LCNL1: variants seen among roughly 807,000 people sequenced by gnomAD.
LCNL1 encodes the protein lipocalin like 1.
Under a neutral mutation model 7.9 loss-of-function variants are expected in LCNL1, and 11 were observed. That is an observed-to-expected ratio of 1.40 (90% CI 0.88 to 2.32). LCNL1 has a LOEUF of 2.32. Ranked by LOEUF, LCNL1 falls within the 30% of genes most tolerant of loss-of-function variation. The pLI is 0.00. For synonymous variants in LCNL1, 90 were observed against 92.5 expected (o/e 0.97, Z 0.15); for missense variants, 218 against 217.0 (o/e 1.00, Z -0.03).
rs1830481119 is a variant in LCNL1, at chr9:136,984,813, G to A, written c.297G>A (p.Leu99=). ...AAGGGGGCCTGCGGAACCAGTGGCT[G>A]CAGCTCTACGGTGGGCGGGCTGCGG... is the stretch of plus-strand genomic sequence containing the variant. The part of the protein sequence containing the change: ...MRKGGLRNQW[L]QLYGGRAAGR... Residue 99 remains leucine (L), a synonymous_variant, in exon 3 of 3, where the codon CTG becomes CTA. Coordinates refer to ENST00000408973, the MANE Select transcript of LCNL1 (RefSeq NM_207510.4). 2 of 1,578,198 alleles carry A rather than the reference G, an allele frequency of 1.3e-6. No individual in the cohort carries two copies. Among genetic ancestry groups the A allele is most frequent in the Admixed American group, 1.8e-5 (1 of 54,136 alleles).
chr9:136,983,818 C>G (rs1044801265), intron 1 of LCNL1, 110 bp downstream of exon 1: 35 of 1,487,402 alleles, frequency 2.4e-5, no homozygotes, highest in Non-Finnish European at 3.1e-5. Context: ...GGTCAGACCA[C>G]GGGTCCTCGA....
chr9:136,985,474 G>C lies in LCNL1; in HGVS notation c.*463G>C. On this transcript the variant is annotated 3_prime_UTR_variant, in exon 3 of 3. Transcript: ENST00000408973. The stretch of plus-strand genomic sequence containing the variant: ...CGCGGACCATGGGCCCTCCCAGCTC[G>C]GTGGGCTGCACCGCGGGGCCCTCTA... 6.3e-6 allele frequency: 1 copy of C among 158,514 alleles called. No homozygotes were observed. The highest frequency in any genetic ancestry group is 2.0e-4 in the South Asian group (1 of 4,906). The allele number at this position is 158,514 out of a possible 1,614,324, so 9.8% of individuals were successfully genotyped here.
Position 136,985,080 on chromosome 9 carries a change from C to T in LCNL1, c.*69C>T, listed in dbSNP as rs1279516521. On this transcript the variant is annotated 3_prime_UTR_variant, in exon 3 of 3. Coordinates refer to ENST00000408973, the MANE Select transcript of LCNL1 (RefSeq NM_207510.4). The stretch of plus-strand genomic sequence containing the variant: ...TCCCGAAGGCGCCCAGAAGATGCAG[C>T]TACTGGCGCCCCAAGTGGGCCTGAG... 1 of 1,374,432 alleles carries T rather than the reference C, an allele frequency of 7.3e-7. No homozygotes were observed. Among genetic ancestry groups the T allele is most frequent in the African/African-American group, 1.5e-5 (1 of 67,648 alleles). The allele number at this position is 1,374,432 out of a possible 1,614,324, so 85.1% of individuals were successfully genotyped here.
chr9:136,983,791 T>C, intron 1 of LCNL1, 83 bp downstream of exon 1: 4 of 1,576,590 alleles, frequency 2.5e-6, no homozygotes, highest in Non-Finnish European at 3.5e-6. Flanking sequence ...GGGACCATGG[T>C]GTCCCCAGCA....
At chr9:136,983,754 C>A in intron 1 of LCNL1, 46 bp downstream of exon 1, 1 of 1,602,716 alleles carries the variant, frequency 6.2e-7, no homozygotes, top group East Asian at 2.2e-5. Flanking sequence ...AGAGGATGGC[C>A]AGCATGAGGC....
Position 136,985,195 on chromosome 9 carries a change from G to C in LCNL1, c.*184G>C, listed in dbSNP as rs1830488252. 1 of 615,098 alleles carries C rather than the reference G, an allele frequency of 1.6e-6. No individual in the cohort carries two copies. The highest frequency in any genetic ancestry group is 2.8e-6 in the Non-Finnish European group (1 of 356,250). The allele number at this position is 615,098 out of a possible 1,614,324, so 38.1% of individuals were successfully genotyped here. On this transcript the variant is annotated 3_prime_UTR_variant, in exon 3 of 3. Coordinates refer to ENST00000408973, the MANE Select transcript of LCNL1 (RefSeq NM_207510.4). ...CAGGCCCCGGGTCACACCCCTGCTGGAAGGGCCAGGCCCTGGTCACTCCAC... is the reference window on the plus strand; with the variant it reads ...CAGGCCCCGGGTCACACCCCTGCTGCAAGGGCCAGGCCCTGGTCACTCCAC...
In LCNL1 at chr9:136,985,030, C is replaced by G. The variant is rs1830484602; in HGVS notation, c.*19C>G. 9.6e-6 allele frequency: 14 copies of G among 1,451,672 alleles called. No individual in the cohort carries two copies. Among genetic ancestry groups the G allele is most frequent in the Non-Finnish European group, 1.3e-5 (14 of 1,093,986 alleles). 89.9% of individuals were successfully genotyped at this position (1,451,672 alleles called of 1,614,324 possible). A position where few individuals can be genotyped will look rare whatever the true frequency, so the allele number is the denominator to read the frequency against. On this transcript the variant is annotated 3_prime_UTR_variant, in exon 3 of 3. Coordinates refer to ENST00000408973, the MANE Select transcript of LCNL1 (RefSeq NM_207510.4). The stretch of plus-strand genomic sequence containing the variant: ...CCTTTAGCTTACCCGCCCTCCCCAC[C>G]TTCAGCTCGAGCGCCCGAGCTGTTT...
Position 136,983,132 on chromosome 9 carries a change from G to T in LCNL1, c.-455G>T, listed in dbSNP as rs35615223. 2.2e-3 allele frequency: 387 copies of T among 174,904 alleles called. 2 individuals carry two copies. The highest frequency in any genetic ancestry group is 8.7e-3 in the African/African-American group (369 of 42,514). 10.8% of individuals were successfully genotyped at this position (174,904 alleles called of 1,614,324 possible). A position where few individuals can be genotyped will look rare whatever the true frequency, so the allele number is the denominator to read the frequency against. On this transcript the variant is annotated 5_prime_UTR_variant, in exon 1 of 3. Coordinates refer to ENST00000408973, the MANE Select transcript of LCNL1 (RefSeq NM_207510.4). ...CCACACCCTCTTTGATCCAGGCTCA[G>T]CAGGGCTAGGGGCAGGGGAAACCCC...
Position 136,983,625 on chromosome 9 carries a change from C to A in LCNL1, c.39C>A (p.Asp13Glu), listed in dbSNP as rs971799564. 1.2e-6 allele frequency: 2 copies of A among 1,614,020 alleles called. No homozygotes were observed. The highest frequency in any genetic ancestry group is 1.7e-6 in the Non-Finnish European group (2 of 1,179,948). ...GVVSDDQDFL[D>E]SKDTMKMAVV... ...TGTCAGATGACCAGGACTTCCTGGACTCCAAGGACACCATGAAGATGGCTG... is the reference window on the plus strand; with the variant it reads ...TGTCAGATGACCAGGACTTCCTGGAATCCAAGGACACCATGAAGATGGCTG... The change falls in exon 1 of 3, where the codon GAC becomes GAA. Residue 13 changes from aspartate to glutamate, a missense_variant. Physicochemically the swap from Asp to Glu is conservative, Grantham distance 45 (BLOSUM62 2). Transcript: ENST00000408973.
intron 1 of LCNL1, chr9:136,984,061 AGTGT>A (rs1270499865): frequency 4.5e-5 from 18 of 401,470 alleles, no homozygotes; most frequent in Non-Finnish European, 4.6e-6. Flanking sequence ...TGTACCTCTG[AGTGT>A]GTATGTGTGT....
Position 136,983,427 on chromosome 9 carries a change from T to C in LCNL1, c.-160T>C. The C allele has an allele frequency of 1.2e-6, 1 of 821,158 alleles. No individual in the cohort carries two copies. Among genetic ancestry groups the C allele is most frequent in the Non-Finnish European group, 2.0e-6 (1 of 507,282 alleles). The allele number at this position is 821,158 out of a possible 1,614,324, so 50.9% of individuals were successfully genotyped here. A position where few individuals can be genotyped will look rare whatever the true frequency, so the allele number is the denominator to read the frequency against. On this transcript the variant is annotated 5_prime_UTR_variant, in exon 1 of 3. Transcript: ENST00000408973. ...AGTTGCTCATGTACTGAGGCCCCCCTCCCTCAGTTCTGCATCGGGGTCGAG... is the reference window on the plus strand; with the variant it reads ...AGTTGCTCATGTACTGAGGCCCCCCCCCCTCAGTTCTGCATCGGGGTCGAG...
chr9:136,985,111 G>A lies in LCNL1; in HGVS notation c.*100G>A. 3.3e-6 allele frequency: 4 copies of A among 1,222,918 alleles called. No homozygotes were observed. The South Asian group carries it at 4.8e-5, about 15-fold the overall frequency. 75.8% of individuals were successfully genotyped at this position (1,222,918 alleles called of 1,614,324 possible). A position where few individuals can be genotyped will look rare whatever the true frequency, so the allele number is the denominator to read the frequency against. On this transcript the variant is annotated 3_prime_UTR_variant, in exon 3 of 3. Transcript: ENST00000408973. ...GCGCCCCAAGTGGGCCTGAGCCCCA[G>A]CCAGGGCGTCCTGCTGCCGAAGTCG...
chr9:136,984,026 G>A (rs1352900203), intron 1 of LCNL1: 1 of 429,138 alleles, frequency 2.3e-6, no homozygotes, highest in African/African-American at 2.0e-5. Context: ...GTGTGCGTGT[G>A]TATGCATGTG....
At position 136,984,823 on chromosome 9, in the gene LCNL1, G is replaced by A. The variant is rs1268241998; in HGVS notation, c.307G>A (p.Gly103Ser). ...GLRNQWLQLY[G>S]GRAAGRRPRH... ...GCGGAACCAGTGGCTGCAGCTCTAC[G>A]GTGGGCGGGCTGCGGGGCGGAGACC... The change falls in exon 3 of 3, where the codon GGT (glycine) becomes AGT (serine). Residue 103 changes from glycine (G) to serine (S), a missense_variant. By Grantham distance (56) the Gly-to-Ser change is moderately conservative (BLOSUM62 0). Transcript: ENST00000408973. The A allele has an allele frequency of 1.9e-6, 3 of 1,578,100 alleles. No individual in the cohort carries two copies. The highest frequency in any genetic ancestry group is 2.7e-5 in the African/African-American group (2 of 74,370).
In LCNL1 at chr9:136,985,494, C is replaced by CCT. The variant is rs1830491071; in HGVS notation, c.*486_*487dup. 6.4e-6 allele frequency: 1 copy of CCT among 156,696 alleles called. No individual in the cohort carries two copies. The highest frequency in any genetic ancestry group is 2.4e-5 in the African/African-American group (1 of 41,648). 9.7% of individuals were successfully genotyped at this position (156,696 alleles called of 1,614,324 possible). ...AGCTCGGTGGGCTGCACCGCGGGGC[C>CCT]CTCTACCTTCGGGGCAGCTAGGGAC... is the stretch of plus-strand genomic sequence containing the variant. On this transcript the variant is annotated 3_prime_UTR_variant, in exon 3 of 3. Coordinates refer to ENST00000408973, the MANE Select transcript of LCNL1 (RefSeq NM_207510.4).
At position 136,984,748 on chromosome 9, in the gene LCNL1, G is replaced by A. The variant is rs531532944; in HGVS notation, c.232G>A (p.Asp78Asn). The stretch of plus-strand genomic sequence containing the variant: ...GAGTGACATCCGAGTGGCCTTCTCC[G>A]ACTACCAGCACTTTGCCTTGCTGTA... ...ALSDIRVAFS[D>N]YQHFALLYLE... The change falls in exon 3 of 3, where the codon GAC becomes AAC. Residue 78 changes from aspartate to asparagine, a missense_variant. Coordinates refer to ENST00000408973, the MANE Select transcript of LCNL1 (RefSeq NM_207510.4). 11 of 1,539,748 alleles carry A rather than the reference G, an allele frequency of 7.1e-6. No homozygotes were observed. The highest frequency in any genetic ancestry group is 1.7e-4 in the Middle Eastern group (1 of 5,736).
At position 136,985,025 on chromosome 9, in the gene LCNL1, C is replaced by T; in HGVS notation, c.*14C>T. On this transcript the variant is annotated 3_prime_UTR_variant, in exon 3 of 3. Coordinates refer to ENST00000408973, the MANE Select transcript of LCNL1 (RefSeq NM_207510.4). ...CCTTCCCTTTAGCTTACCCGCCCTCCCCACCTTCAGCTCGAGCGCCCGAGC... is the reference window on the plus strand; with the variant it reads ...CCTTCCCTTTAGCTTACCCGCCCTCTCCACCTTCAGCTCGAGCGCCCGAGC... 6.8e-7 allele frequency: 1 copy of T among 1,470,604 alleles called. No homozygotes were observed. The highest frequency in any genetic ancestry group is 9.1e-7 in the Non-Finnish European group (1 of 1,103,034). 91.1% of individuals were successfully genotyped at this position (1,470,604 alleles called of 1,614,324 possible).
In LCNL1 at chr9:136,984,969, C is replaced by G; in HGVS notation, c.453C>G (p.Cys151Trp). 1 of 1,547,908 alleles carries G rather than the reference C, an allele frequency of 6.5e-7. No individual in the cohort carries two copies. The highest frequency in any genetic ancestry group is 1.4e-5 in the African/African-American group (1 of 73,020). ...GGCCGCGGGTCCCGGCCCCTCCCTG[C>G]CCCTCTCTCCCTCTCTTCGCCCCTC... ...CLWPRVPAPP[C>W]PSLPLFAPPA... is the part of the protein sequence containing the mutation. The change falls in exon 3 of 3, where the codon TGC becomes TGG. Residue 151 changes from cysteine to tryptophan, a missense_variant. Cys to Trp is a radical substitution (Grantham distance 215). Coordinates refer to ENST00000408973, the MANE Select transcript of LCNL1 (RefSeq NM_207510.4).
chr9:136,984,522 C>T lies in LCNL1; in HGVS notation c.155C>T (p.Thr52Ile), dbSNP rs1460134526. The change falls in exon 2 of 3, where the codon ACC (threonine) becomes ATC (isoleucine). Residue 52 changes from threonine (T) to isoleucine (I), a missense_variant. Physicochemically the swap from Thr to Ile is moderately conservative, Grantham distance 89. Coordinates refer to ENST00000408973, the MANE Select transcript of LCNL1 (RefSeq NM_207510.4). Reference protein sequence around the residue: ...PHGGCQKMDTTFTEGAVPGQF... With the variant: ...PHGGCQKMDTIFTEGAVPGQF... ...GGCGGGTGCCAGAAAATGGACACGA[C>T]CTTCACCGAGGGTGCTGTACCGGGG... The T allele has an allele frequency of 3.2e-6, 5 of 1,571,708 alleles. No homozygotes were observed. The highest frequency in any genetic ancestry group is 8.6e-7 in the Non-Finnish European group (1 of 1,158,492).
Sources: allele counts gnomAD v4.1 joint callset, GRCh38; gene constraint gnomAD v4.1.1; transcripts MANE v1.5; gene names NCBI Gene and HGNC (gene_info 2026-07-23, HGNC 2026-07-21).